The following KIAA1217 variants were observed in gnomAD, a reference collection of about 807,000 sequenced individuals.
The protein encoded by KIAA1217 is sickle tail protein homolog.
Under a neutral mutation model 163.9 loss-of-function variants are expected in KIAA1217, and 88 were observed. The observed-to-expected ratio is 0.54, with a 90% CI of 0.45 to 0.64. The LOEUF (loss-of-function observed/expected upper bound fraction) is 0.64. KIAA1217 is among the 30% of genes least tolerant of loss of function. The pLI, the probability that KIAA1217 is intolerant of heterozygous loss-of-function variation, is 0.00. For synonymous variants in KIAA1217, 903 were observed against 923.1 expected (o/e 0.98, Z 0.39); for missense variants, 2,372 against 2,475.0 (o/e 0.96, Z 0.88).
intron 1 of KIAA1217, among the ~76,000 whole-genome samples, chr10:23,934,625 A>ATATATATTTTTTTTTTT (rs1554826424): frequency 1.5e-5 from 1 of 68,570 alleles, no homozygotes; most frequent in Non-Finnish European, 2.6e-5. Context: ...ATATATATAT[A>ATATATATTTTTTTTTTT]TTTTTTTTTT....
chr10:24,305,941 A>G (rs1245873934), intron 2 of KIAA1217, among the ~76,000 whole-genome samples: 6 of 152,088 alleles, frequency 3.9e-5, no homozygotes, highest in African/African-American at 1.2e-4. Context: ...GAGCAAGGAG[A>G]GAAAATGGTC....
chr10:24,450,165 T>A (rs1312842103), intron 5 of KIAA1217, among the ~76,000 whole-genome samples: 1 of 152,234 alleles, frequency 6.6e-6, no homozygotes, highest in Non-Finnish European at 1.5e-5. Context: ...GCAAAGTCGA[T>A]AATTTGAAGG....
chr10:24,532,479 C>T (rs1428635581), intron 15 of KIAA1217, among the ~76,000 whole-genome samples: 1 of 152,134 alleles, frequency 6.6e-6, no homozygotes, highest in African/African-American at 2.4e-5. Context: ...TTAGTCTGTT[C>T]TCAGGGTGCT....
intron 1 of KIAA1217, among the ~76,000 whole-genome samples, chr10:23,957,758 C>A (rs1013741556): frequency 1.3e-5 from 2 of 152,104 alleles, no homozygotes; most frequent in Non-Finnish European, 2.9e-5. Flanking sequence ...ACCAACTTTT[C>A]CTTTCTCCTC....
chr10:24,336,004 G>A (rs56221630), intron 2 of KIAA1217, among the ~76,000 whole-genome samples: 8,815 of 152,306 alleles, frequency 0.058, 278 homozygotes, highest in East Asian at 0.09. Context: ...ACTTTGGGAG[G>A]CCAAGGCAGG....
intron 17 of KIAA1217, among the ~76,000 whole-genome samples, chr10:24,541,424 G>A (rs1170110910): frequency 1.3e-5 from 2 of 152,046 alleles, no homozygotes; most frequent in African/African-American, 4.8e-5. Context: ...TGACTGCGTT[G>A]TTTGTGTGTC....
chr10:24,457,709 A>G lies in KIAA1217; in HGVS notation c.847-15519A>G, dbSNP rs776046471. 7.0e-4 allele frequency among the ~76,000 whole-genome samples: 107 copies of G among 152,260 alleles called. 1 individual carries two copies. Among genetic ancestry groups the G allele is most frequent in the South Asian group, 3.3e-3 (16 of 4,820 alleles). On this transcript the variant is annotated intron_variant, in intron 5 of 20. Coordinates refer to ENST00000376454, the MANE Select transcript of KIAA1217 (RefSeq NM_019590.5). ...AGAGCCACTGTGCTCAGCCCTAATCATGAACTTTGAAAAGTGCTCCATAGA... is the reference window on the plus strand; with the variant it reads ...AGAGCCACTGTGCTCAGCCCTAATCGTGAACTTTGAAAAGTGCTCCATAGA...
intron 2 of KIAA1217, among the ~76,000 whole-genome samples, chr10:24,196,242 C>A (rs1312845345): frequency 6.6e-6 from 1 of 151,990 alleles, no homozygotes; most frequent in Non-Finnish European, 1.5e-5. Flanking sequence ...AATTAGGCAT[C>A]CTGTGTTTTC....
At chr10:24,143,316 G>A (rs1231862868) in intron 2 of KIAA1217, among the ~76,000 whole-genome samples, 4 of 152,134 alleles carry the variant, frequency 2.6e-5, no homozygotes. Flanking sequence ...CCAGGCTGGA[G>A]TCTGGAGTGG....
intron 1 of KIAA1217, among the ~76,000 whole-genome samples, chr10:23,853,882 G>T (rs961075881): frequency 1.5e-4 from 23 of 151,992 alleles, no homozygotes; most frequent in African/African-American, 5.1e-4. Flanking sequence ...ATTTTTTATT[G>T]CATCTATTTG....
At chr10:24,093,749 A>C (rs2062032197) in intron 2 of KIAA1217, among the ~76,000 whole-genome samples, 1 of 149,688 alleles carries the variant, frequency 6.7e-6, no homozygotes, top group Non-Finnish European at 1.5e-5. Context: ...TGCTGCACCC[A>C]TTAACTCGTC....
chr10:24,351,210 A>G (rs2134015687), intron 2 of KIAA1217, among the ~76,000 whole-genome samples: 1 of 152,292 alleles, frequency 6.6e-6, no homozygotes, highest in East Asian at 1.9e-4. Context: ...GGCCTCCCAA[A>G]GTGCTGGGAT....
chr10:24,359,736 T>C (rs894153306), intron 2 of KIAA1217, among the ~76,000 whole-genome samples: 4 of 152,332 alleles, frequency 2.6e-5, no homozygotes, highest in East Asian at 1.9e-4. Context: ...TTAGAAGCTG[T>C]TGGGATATCA....
intron 2 of KIAA1217, among the ~76,000 whole-genome samples, chr10:24,076,489 G>A (rs955609942): frequency 2.0e-5 from 3 of 152,196 alleles, no homozygotes; most frequent in African/African-American, 4.8e-5. Context: ...GAGTCTGAGA[G>A]CAGGAAGATG....
chr10:24,038,043 A>G (rs1243421443), intron 2 of KIAA1217, among the ~76,000 whole-genome samples: 1 of 152,138 alleles, frequency 6.6e-6, no homozygotes, highest in African/African-American at 2.4e-5. Flanking sequence ...TCTCTTCTTT[A>G]TTTCTGCCTT....
At chr10:24,293,087 G>A (rs1258381771) in intron 2 of KIAA1217, among the ~76,000 whole-genome samples, 1 of 152,138 alleles carries the variant, frequency 6.6e-6, no homozygotes, top group Non-Finnish European at 1.5e-5. Context: ...CTGTCGCCCA[G>A]CCAGGAGTAC....
chr10:23,941,510 G>A (rs1214509518), intron 1 of KIAA1217, among the ~76,000 whole-genome samples: 2 of 152,026 alleles, frequency 1.3e-5, no homozygotes, highest in African/African-American at 4.8e-5. Context: ...CCCTTGTCTG[G>A]GTAGCACTGG....
At chr10:24,519,248 T>C (rs2070706237) in intron 10 of KIAA1217, among the ~76,000 whole-genome samples, 1 of 152,168 alleles carries the variant, frequency 6.6e-6, no homozygotes, top group African/African-American at 2.4e-5. Context: ...TTTTTCTCCG[T>C]AGATTTATAG....
chr10:24,220,549 G>A (rs550320491), intron 2 of KIAA1217, among the ~76,000 whole-genome samples: 2 of 147,074 alleles, frequency 1.4e-5, no homozygotes, highest in Non-Finnish European at 3.0e-5. Context: ...CTGCCTCCCG[G>A]GTTCACACCA....
Sources: allele counts gnomAD v4.1 joint callset (sites outside exome capture counted in the v4.1 genomes callset), GRCh38; gene constraint gnomAD v4.1.1; transcripts MANE v1.5; gene names NCBI Gene and HGNC (gene_info 2026-07-23, HGNC 2026-07-21).